Variants in FHIT observed in about 807,000 individuals in gnomAD.
FHIT encodes bis(5'-adenosyl)-triphosphatase.
In FHIT, 19 loss-of-function variants were observed where a neutral mutation model predicts 17.9. The observed-to-expected ratio is 1.06, with a 90% CI of 0.74 to 1.56. FHIT has a LOEUF of 1.56. Among genes scored for constraint, FHIT ranks in the 40% most tolerant of loss-of-function variants. The pLI is 0.00. For missense variants in FHIT, 248 were observed against 189.2 expected (o/e 1.31, Z -1.82); for synonymous variants, 81 against 69.7 (o/e 1.16, Z -0.81).
At chr3:60,127,620 G>C (rs945120558) in intron 5 of FHIT, among the ~76,000 whole-genome samples, 3 of 151,590 alleles carry the variant, frequency 2.0e-5, no homozygotes, top group African/African-American at 7.3e-5. Context: ...TATTTTTTTG[G>C]AGAAAGGGTC....
chr3:60,106,807 G>T (rs1704437009), intron 5 of FHIT, among the ~76,000 whole-genome samples: 1 of 152,184 alleles, frequency 6.6e-6, no homozygotes, highest in African/African-American at 2.4e-5. Context: ...GGGCTCTGAA[G>T]AACCTTGAGG....
chr3:60,172,773 A>G (rs562157109), intron 5 of FHIT, among the ~76,000 whole-genome samples: 3 of 152,194 alleles, frequency 2.0e-5, no homozygotes, highest in African/African-American at 4.8e-5. Context: ...TCCTCCAAGC[A>G]GGACTGTCCA....
intron 5 of FHIT, among the ~76,000 whole-genome samples, chr3:60,070,354 A>G (rs1166468226): frequency 1.3e-5 from 2 of 152,258 alleles, no homozygotes; most frequent in Non-Finnish European, 2.9e-5. Flanking sequence ...CTGGTGCCCA[A>G]TAAGGAGCTG....
intron 4 of FHIT, among the ~76,000 whole-genome samples, chr3:60,777,658 C>T (rs1553724798): frequency 1.3e-5 from 2 of 152,166 alleles, no homozygotes; most frequent in Admixed American, 1.3e-4. Flanking sequence ...CCACAAGAGA[C>T]GTTGCAGGGC....
chr3:60,808,841 A>G (rs1420400700), intron 4 of FHIT, among the ~76,000 whole-genome samples: 6 of 152,206 alleles, frequency 3.9e-5, no homozygotes, highest in African/African-American at 1.4e-4. Context: ...CTTGGTGGCC[A>G]AAACTTCAGC....
At chr3:59,911,246 A>G (rs1415306465) in intron 8 of FHIT, among the ~76,000 whole-genome samples, 2 of 152,136 alleles carry the variant, frequency 1.3e-5, no homozygotes, top group African/African-American at 2.4e-5. Flanking sequence ...GATTTTTCAA[A>G]TTAATTAGAT....
chr3:60,636,674 C>T (rs549151858), intron 4 of FHIT, among the ~76,000 whole-genome samples: 33 of 152,206 alleles, frequency 2.2e-4, no homozygotes, highest in Middle Eastern at 3.4e-3. Context: ...GGAAAATAAC[C>T]GCTCTCACCT....
intron 5 of FHIT, among the ~76,000 whole-genome samples, chr3:60,329,756 G>C (rs1171770939): frequency 2.6e-5 from 4 of 152,170 alleles, no homozygotes; most frequent in African/African-American, 4.8e-5. Context: ...CTCTATTCTA[G>C]CTACATGTCA....
intron 5 of FHIT, among the ~76,000 whole-genome samples, chr3:60,328,180 AG>A (rs1709792576): frequency 1.8e-5 from 2 of 111,320 alleles, no homozygotes; most frequent in East Asian, 5.6e-4. Context: ...AAAGTTGGAA[AG>A]GGCAGGCACT....
chr3:59,859,930 T>C (rs185880303), intron 8 of FHIT, among the ~76,000 whole-genome samples: 42 of 152,244 alleles, frequency 2.8e-4, no homozygotes, highest in Middle Eastern at 6.8e-3. Flanking sequence ...GTTTTTATAA[T>C]AGTAATGAGA....
intron 5 of FHIT, among the ~76,000 whole-genome samples, chr3:60,322,613 TTG>T (rs1295838267): frequency 6.6e-6 from 1 of 152,176 alleles, no homozygotes; most frequent in African/African-American, 2.4e-5. Context: ...GATGTGTTAT[TTG>T]TAACACCTCA....
At chr3:60,027,710 C>T (rs1267675274) in intron 5 of FHIT, among the ~76,000 whole-genome samples, 1 of 133,414 alleles carries the variant, frequency 7.5e-6, no homozygotes, top group Non-Finnish European at 1.5e-5. Flanking sequence ...CTTCTGGTTC[C>T]ATTTAGTTTA....
At chr3:60,313,221 TGCATTAGCACCTTG>T (rs536468234) in intron 5 of FHIT, among the ~76,000 whole-genome samples, 1 of 152,342 alleles carries the variant, frequency 6.6e-6, no homozygotes, top group Non-Finnish European at 1.5e-5. Flanking sequence ...TTTAGATACG[TGCATTAGCACCTTG>T]GCATACACTT....
chr3:60,709,234 C>A (rs1038321241), intron 4 of FHIT, among the ~76,000 whole-genome samples: 2 of 151,860 alleles, frequency 1.3e-5, no homozygotes, highest in East Asian at 1.9e-4. Context: ...CATATTTTCC[C>A]GAAAAAAGAG....
At chr3:61,183,367 T>C (rs2038403668) in intron 2 of FHIT, among the ~76,000 whole-genome samples, 1 of 141,432 alleles carries the variant, frequency 7.1e-6, no homozygotes, top group African/African-American at 2.6e-5. Flanking sequence ...AAGCACCTGC[T>C]TACCTAAGGT....
At chr3:60,040,879 T>C (rs1343013715) in intron 5 of FHIT, among the ~76,000 whole-genome samples, 2 of 152,108 alleles carry the variant, frequency 1.3e-5, no homozygotes, top group Non-Finnish European at 1.5e-5. Context: ...GGGTGGCTGA[T>C]CTATACTTCT....
chr3:60,002,616 G>T (rs1251144371), intron 7 of FHIT, among the ~76,000 whole-genome samples: 1 of 152,182 alleles, frequency 6.6e-6, no homozygotes, highest in Non-Finnish European at 1.5e-5. Context: ...TCCTCAGGAA[G>T]GTCATTATTC....
chr3:60,862,645 T>C (rs1703967752), intron 3 of FHIT, among the ~76,000 whole-genome samples: 1 of 151,862 alleles, frequency 6.6e-6, no homozygotes, highest in Admixed American at 6.6e-5. Context: ...AGGTCAGAAG[T>C]TGAAGACCAG....
intron 8 of FHIT, among the ~76,000 whole-genome samples, chr3:59,828,451 C>T (rs546065053): frequency 6.6e-6 from 1 of 152,164 alleles, no homozygotes. Context: ...TAGTCATTGA[C>T]AACTTTCTTT....
Sources: allele counts gnomAD v4.1 joint callset (sites outside exome capture counted in the v4.1 genomes callset), GRCh38; gene constraint gnomAD v4.1.1; transcripts MANE v1.5; gene names NCBI Gene and HGNC (gene_info 2026-07-23, HGNC 2026-07-21).